MALRD1: variants seen among roughly 807,000 people sequenced by gnomAD.
MALRD1 encodes MAM and LDL receptor class A domain containing 1, also known as MAM and LDL-receptor class A domain-containing protein 1.
In MALRD1, 247 loss-of-function variants were observed where a neutral mutation model predicts 242.1. The observed-to-expected ratio is 1.02, with a 90% confidence interval of 0.92 to 1.13. MALRD1 has a LOEUF of 1.13. MALRD1 is among the 50% of genes most tolerant of loss of function. MALRD1 has a pLI of 0.00. For missense variants in MALRD1, 2,989 were observed against 2,533.1 expected (o/e 1.18, Z -3.86); for synonymous variants, 995 against 866.6 (o/e 1.15, Z -2.60).
At chr10:19,127,956 A>G (rs1411501676) in intron 7 of MALRD1, among the ~76,000 whole-genome samples, 16 of 152,198 alleles carry the variant, frequency 1.1e-4, no homozygotes, top group Non-Finnish European at 2.9e-5. Context: ...GGTTTCTTTT[A>G]TAGGAATCTT....
At chr10:19,702,870 A>T (rs996106863) in intron 38 of MALRD1, among the ~76,000 whole-genome samples, 4 of 152,192 alleles carry the variant, frequency 2.6e-5, no homozygotes, top group African/African-American at 9.7e-5. Context: ...ATTTTGTACA[A>T]AGAATCTGTG....
intron 26 of MALRD1, among the ~76,000 whole-genome samples, chr10:19,381,399 T>C (rs2130785808): frequency 6.6e-6 from 1 of 152,254 alleles, no homozygotes. Flanking sequence ...TAGTTCTTAA[T>C]AGAGTCTTTT....
At position 19,191,798 on chromosome 10, in the gene MALRD1, G is replaced by C. The variant is rs1219125201; in HGVS notation, c.1952-11930G>C. On this transcript the variant is annotated intron_variant, in intron 14 of 39. Coordinates refer to ENST00000454679, the MANE Select transcript of MALRD1 (RefSeq NM_001142308.3). ...GGATCACCTGAGGTCAGGAGTTTGA[G>C]ACCAGCATGGCCAACATGGTGAAAT... 2.0e-5 allele frequency among the ~76,000 whole-genome samples: 3 copies of C among 152,100 alleles called. No individual in the cohort carries two copies. The East Asian group carries it at 5.8e-4, about 29-fold the overall frequency.
rs118097337 is a variant in MALRD1 at position 19,328,536 on chromosome 10, A to G, written c.3687+863A>G. The stretch of plus-strand genomic sequence containing the variant: ...TCACTCTTCCATGTGCAGCTGGGGT[A>G]GCCAAGTTGGCTGTGAATGTTCAGA... On this transcript the variant is annotated intron_variant, in intron 23 of 39. Transcript: ENST00000454679. 7.4e-3 allele frequency among the ~76,000 whole-genome samples: 1,122 copies of G among 152,250 alleles called. 12 individuals are homozygous for G. Among genetic ancestry groups the G allele is most frequent in the Non-Finnish European group, 0.013 (886 of 68,004 alleles).
intron 30 of MALRD1, among the ~76,000 whole-genome samples, chr10:19,494,090 A>AG (rs1837611867): frequency 6.6e-6 from 1 of 152,142 alleles, no homozygotes; most frequent in African/African-American, 2.4e-5. Context: ...GAGGAGCCAC[A>AG]TGATTAAGAG....
intron 18 of MALRD1, among the ~76,000 whole-genome samples, chr10:19,229,612 C>T (rs1234175009): frequency 6.6e-6 from 1 of 152,100 alleles, no homozygotes; most frequent in African/African-American, 2.4e-5. Context: ...CATAGAAAAG[C>T]AGGTCTTTTT....
At chr10:19,591,148 C>A (rs980932165) in intron 33 of MALRD1, among the ~76,000 whole-genome samples, 5 of 152,174 alleles carry the variant, frequency 3.3e-5, no homozygotes, top group African/African-American at 1.2e-4. Flanking sequence ...TAGTCAAAAT[C>A]AGACAGCATG....
intron 38 of MALRD1, 100 bp downstream of exon 38, chr10:19,692,654 C>A: frequency 1.1e-6 from 1 of 887,354 alleles, no homozygotes; most frequent in Non-Finnish European, 1.7e-6. Context: ...ATATTACATG[C>A]AGGAAACTTT....
intron 36 of MALRD1, among the ~76,000 whole-genome samples, chr10:19,660,502 G>C (rs540000448): frequency 3.9e-5 from 6 of 152,094 alleles, no homozygotes; most frequent in Non-Finnish European, 5.9e-5. Context: ...TAGAAGAACA[G>C]CATCCTAGGC....
intron 36 of MALRD1, among the ~76,000 whole-genome samples, chr10:19,676,510 A>T (rs1409742): frequency 0.12 from 18,149 of 152,172 alleles, 1,839 homozygotes; most frequent in African/African-American, 0.28. Flanking sequence ...GCCTGGAATG[A>T]CATGATTTGA....
chr10:19,692,887 A>AT (rs1307361084), intron 38 of MALRD1, among the ~76,000 whole-genome samples: 2 of 38,582 alleles, frequency 5.2e-5, no homozygotes, highest in African/African-American at 2.0e-4. Context: ...ATATATATAT[A>AT]ATTTCATCCC....
intron 14 of MALRD1, among the ~76,000 whole-genome samples, chr10:19,178,855 C>T (rs1037452730): frequency 3.3e-5 from 5 of 152,010 alleles, no homozygotes; most frequent in South Asian, 2.1e-4. Context: ...CTGACTCCTT[C>T]GGCAAATATT....
At chr10:19,593,797 A>G (rs936295389) in intron 33 of MALRD1, among the ~76,000 whole-genome samples, 3 of 152,196 alleles carry the variant, frequency 2.0e-5, no homozygotes, top group Non-Finnish European at 4.4e-5. Flanking sequence ...TTATTACACT[A>G]GCATTGAGTC....
chr10:19,641,294 T>A (rs1021141497), intron 36 of MALRD1, among the ~76,000 whole-genome samples: 1 of 152,184 alleles, frequency 6.6e-6, no homozygotes, highest in South Asian at 2.1e-4. Context: ...AAACTGTCCA[T>A]GTCAGAGTGT....
intron 18 of MALRD1, among the ~76,000 whole-genome samples, chr10:19,229,922 A>G (rs964422257): frequency 2.6e-5 from 4 of 152,122 alleles, no homozygotes; most frequent in Non-Finnish European, 5.9e-5. Context: ...ATCTTGCACT[A>G]TAGCTCCCAT....
chr10:19,664,965 T>C (rs1841612298), intron 36 of MALRD1, among the ~76,000 whole-genome samples: 1 of 152,160 alleles, frequency 6.6e-6, no homozygotes, highest in African/African-American at 2.4e-5. Flanking sequence ...CCTTGAATCT[T>C]AGCAGATCAA....
chr10:19,376,604 G>A (rs1845617979), intron 26 of MALRD1, among the ~76,000 whole-genome samples: 1 of 134,896 alleles, frequency 7.4e-6, no homozygotes, highest in African/African-American at 2.9e-5. Context: ...TGCCCAGGCT[G>A]GAGTGCAGTG....
intron 21 of MALRD1, among the ~76,000 whole-genome samples, chr10:19,294,188 A>T (rs1346919056): frequency 1.3e-5 from 2 of 152,172 alleles, no homozygotes; most frequent in Non-Finnish European, 2.9e-5. Flanking sequence ...ATAATCTTTA[A>T]ATATGCTTTT....
At chr10:19,694,225 T>G (rs1293561301) in intron 38 of MALRD1, among the ~76,000 whole-genome samples, 1 of 151,996 alleles carries the variant, frequency 6.6e-6, no homozygotes, top group African/African-American at 2.4e-5. Flanking sequence ...AATTGACAAA[T>G]GGGATCTAAT....
Sources: gnomAD v4.1 joint callset for allele counts (sites outside exome capture counted in the v4.1 genomes callset) on GRCh38, gnomAD v4.1.1 for gene constraint, MANE v1.5 for transcripts, NCBI Gene and HGNC (gene_info 2026-07-23, HGNC 2026-07-21) for gene names.